Variants in GRM8 observed in about 807,000 individuals in gnomAD.
GRM8 encodes the protein metabotropic glutamate receptor 8.
A neutral mutation model predicts 87.2 loss-of-function variants in GRM8; 47 were observed. The observed-to-expected ratio is 0.54, with a 90% CI of 0.43 to 0.69. The LOEUF is 0.69. Among genes scored for constraint, GRM8 ranks in the 30% least tolerant of loss-of-function variants. The pLI, the probability that GRM8 is intolerant of heterozygous loss-of-function variation, is 0.00. For synonymous variants in GRM8, 396 were observed against 404.5 expected (o/e 0.98, Z 0.25); for missense variants, 1,019 against 1,139.2 (o/e 0.89, Z 1.52).
At chr7:127,048,967 A>C (rs765628572) in intron 3 of GRM8, among the ~76,000 whole-genome samples, 11 of 152,186 alleles carry the variant, frequency 7.2e-5, no homozygotes, top group Non-Finnish European at 1.5e-4. Flanking sequence ...ATTTGCTTCA[A>C]ATAAACCTAT....
chr7:126,737,624 A>T (rs1814386362), intron 7 of GRM8, among the ~76,000 whole-genome samples: 1 of 152,032 alleles, frequency 6.6e-6, no homozygotes, highest in Admixed American at 6.6e-5. Flanking sequence ...AAAATTCACT[A>T]GTATGTAATT....
chr7:126,621,859 A>C (rs1420337916), intron 7 of GRM8, among the ~76,000 whole-genome samples: 1 of 152,108 alleles, frequency 6.6e-6, no homozygotes, highest in Admixed American at 6.6e-5. Flanking sequence ...TCCTCACTGC[A>C]ACAATTCTAT....
At chr7:127,031,241 A>G (rs527611656) in intron 3 of GRM8, among the ~76,000 whole-genome samples, 1 of 152,158 alleles carries the variant, frequency 6.6e-6, no homozygotes, top group African/African-American at 2.4e-5. Context: ...TAGCTCCACT[A>G]CATTTCTTCC....
chr7:126,677,011 CA>C (rs906385841), intron 7 of GRM8, among the ~76,000 whole-genome samples: 2 of 151,726 alleles, frequency 1.3e-5, no homozygotes, highest in Non-Finnish European at 2.9e-5. Flanking sequence ...TTCAAATCAG[CA>C]GGAAAAAAAT....
chr7:126,744,750 T>C (rs1432555013), intron 7 of GRM8, among the ~76,000 whole-genome samples: 1 of 151,972 alleles, frequency 6.6e-6, no homozygotes. Flanking sequence ...CAACTAGATA[T>C]GTGTCAGACC....
intron 3 of GRM8, among the ~76,000 whole-genome samples, chr7:126,970,126 A>G (rs1251356949): frequency 6.6e-6 from 1 of 152,076 alleles, no homozygotes; most frequent in African/African-American, 2.4e-5. Flanking sequence ...GATTTAACAT[A>G]CTTCTTAAGG....
intron 9 of GRM8, among the ~76,000 whole-genome samples, chr7:126,505,075 A>G (rs548406676): frequency 6.6e-6 from 1 of 152,174 alleles, no homozygotes; most frequent in Non-Finnish European, 1.5e-5. Context: ...AGTGAACAGA[A>G]GAAGCAATTC....
chr7:126,478,924 T>C (rs1806321682), intron 9 of GRM8, among the ~76,000 whole-genome samples: 1 of 152,112 alleles, frequency 6.6e-6, no homozygotes, highest in Non-Finnish European at 1.5e-5. Context: ...TATGATATAA[T>C]AGCCATTTTT....
At chr7:126,932,907 C>T (rs551195588) in intron 3 of GRM8, among the ~76,000 whole-genome samples, 1 of 152,216 alleles carries the variant, frequency 6.6e-6, no homozygotes, top group African/African-American at 2.4e-5. Context: ...ACAAGATTGG[C>T]TATGAAATGA....
At chr7:126,853,090 A>T (rs1013960130) in intron 6 of GRM8, among the ~76,000 whole-genome samples, 1 of 152,208 alleles carries the variant, frequency 6.6e-6, no homozygotes, top group African/African-American at 2.4e-5. Flanking sequence ...GGGTTTTCAA[A>T]GAAGGATGTA....
intron 3 of GRM8, among the ~76,000 whole-genome samples, chr7:127,074,725 T>C (rs895229971): frequency 6.6e-6 from 1 of 152,196 alleles, no homozygotes; most frequent in Non-Finnish European, 1.5e-5. Context: ...ATTAATCAAC[T>C]GCCTTCTATA....
chr7:126,650,224 G>T (rs1168993813), intron 7 of GRM8, among the ~76,000 whole-genome samples: 1 of 152,230 alleles, frequency 6.6e-6, no homozygotes, highest in East Asian at 1.9e-4. Flanking sequence ...GTTTGAGCAG[G>T]TCCTGAAGTT....
At chr7:126,579,548 C>A (rs989024825) in intron 8 of GRM8, among the ~76,000 whole-genome samples, 1 of 152,118 alleles carries the variant, frequency 6.6e-6, no homozygotes, top group Non-Finnish European at 1.5e-5. Flanking sequence ...ATAGACCTGA[C>A]AAGTAGGCTT....
chr7:126,460,516 G>A (rs1803775027), intron 9 of GRM8, among the ~76,000 whole-genome samples: 1 of 151,620 alleles, frequency 6.6e-6, no homozygotes, highest in Non-Finnish European at 1.5e-5. Context: ...GCTTTGACCA[G>A]TACTCATAAC....
intron 7 of GRM8, among the ~76,000 whole-genome samples, chr7:126,677,113 C>T (rs1807036999): frequency 6.6e-6 from 1 of 152,104 alleles, no homozygotes; most frequent in African/African-American, 2.4e-5. Context: ...TTCAACATCA[C>T]TAATCATCAG....
chr7:127,046,656 A>G (rs1198622220), intron 3 of GRM8, among the ~76,000 whole-genome samples: 1 of 152,242 alleles, frequency 6.6e-6, no homozygotes, highest in African/African-American at 2.4e-5. Context: ...ATTAATTTGC[A>G]TATTGATTTT....
At chr7:127,159,291 T>C (rs992417345) in intron 2 of GRM8, among the ~76,000 whole-genome samples, 3 of 152,206 alleles carry the variant, frequency 2.0e-5, no homozygotes, top group Non-Finnish European at 4.4e-5. Flanking sequence ...AGATGCAAGG[T>C]AAAGTACTTG....
chr7:126,964,782 C>A (rs1809672963), intron 3 of GRM8, among the ~76,000 whole-genome samples: 1 of 152,164 alleles, frequency 6.6e-6, no homozygotes, highest in Non-Finnish European at 1.5e-5. Context: ...CCAGAAATAT[C>A]ATTTGACCCA....
intron 8 of GRM8, among the ~76,000 whole-genome samples, chr7:126,601,570 T>A (rs1313222572): frequency 6.7e-6 from 1 of 150,066 alleles, no homozygotes; most frequent in Non-Finnish European, 1.5e-5. Context: ...TGTTCCTATT[T>A]CTCCACATCC....
Sources: allele counts gnomAD v4.1 joint callset (sites outside exome capture counted in the v4.1 genomes callset), GRCh38; gene constraint gnomAD v4.1.1; transcripts MANE v1.5; gene names NCBI Gene and HGNC (gene_info 2026-07-23, HGNC 2026-07-21).